Variants in ABCA5 observed in about 807,000 individuals in gnomAD.
The protein encoded by ABCA5 is ATP binding cassette subfamily A member 5.
A neutral mutation model predicts 206.0 loss-of-function variants in ABCA5; 163 were observed. That is an observed-to-expected ratio of 0.79 (90% CI 0.70 to 0.90). The LOEUF is 0.90. Ranked by LOEUF, ABCA5 falls within the 40% of genes least tolerant of loss-of-function variation. The pLI, the probability that ABCA5 is intolerant of heterozygous loss-of-function variation, is 0.00. For missense variants in ABCA5, 1,859 were observed against 1,912.9 expected (o/e 0.97, Z 0.53); for synonymous variants, 609 against 613.8 (o/e 0.99, Z 0.11).
intron 13 of ABCA5, 66 bp downstream of exon 13, chr17:69,289,796 C>T (rs1423116097): frequency 9.5e-6 from 12 of 1,258,146 alleles, no homozygotes; most frequent in African/African-American, 7.6e-5. Context: ...TTTTATTGCA[C>T]AAGTCATTAC....
At position 69,267,118 on chromosome 17, in the gene ABCA5, G is replaced by A. The variant is rs147562682; in HGVS notation, c.3144+825C>T. 6.7e-3 allele frequency among the ~76,000 whole-genome samples: 1,015 copies of A among 151,868 alleles called. 14 individuals carry two copies. The highest frequency in any genetic ancestry group is 0.023 in the African/African-American group (944 of 41,432). ...TCGAACTCCCAACCTCAGGTGATCC[G>A]CCCACCTCGGCCTCCCAAAGTGCTG... is the stretch of plus-strand genomic sequence containing the variant. On this transcript the variant is annotated intron_variant, in intron 23 of 38. Transcript: ENST00000392676.
intron 2 of ABCA5, 46 bp from the exon 3 acceptor site, chr17:69,313,342 CA>C (rs1270561721): frequency 1.2e-6 from 1 of 862,412 alleles, no homozygotes; most frequent in Non-Finnish European, 1.7e-6. Context: ...ACAATGGCAG[CA>C]AAAATCATCA....
chr17:69,308,962 A>G (rs1477691216), intron 4 of ABCA5, among the ~76,000 whole-genome samples: 1 of 152,114 alleles, frequency 6.6e-6, no homozygotes, highest in Non-Finnish European at 1.5e-5. Flanking sequence ...AAACAATTAC[A>G]TGAAAAAAAG....
chr17:69,273,614 CCTGG>C (rs1409783486), intron 20 of ABCA5, among the ~76,000 whole-genome samples: 1 of 151,878 alleles, frequency 6.6e-6, no homozygotes, highest in African/African-American at 2.4e-5. Context: ...TGCCACCATG[CCTGG>C]CTAATTTTTA....
chr17:69,290,194 G>A (rs909227127), intron 12 of ABCA5, among the ~76,000 whole-genome samples, 157 bp from the exon 13 acceptor site: 3 of 152,050 alleles, frequency 2.0e-5, no homozygotes, highest in South Asian at 4.1e-4. Context: ...TATTATTGGT[G>A]ATCCGCATCC....
Position 69,247,565 on chromosome 17 carries a change from C to T in ABCA5, c.4901G>A (p.Arg1634Gln), listed in dbSNP as rs374390008. The change falls in exon 39 of 39, where the codon CGA becomes CAA. Residue 1634 changes from arginine to glutamine, a missense_variant. Transcript: ENST00000392676. ...AAATACTACTCTATCTTCTTGTGTT[C>T]GTTCCCACCAAAGTGTGCTGTTTAA... ...GTLNSTLWWE[R>Q]TQEDRVVF 1.9e-5 allele frequency: 31 copies of T among 1,608,516 alleles called. No individual in the cohort carries two copies. Among genetic ancestry groups the T allele is most frequent in the African/African-American group, 1.7e-4 (13 of 74,752 alleles).
chr17:69,298,249 A>T (rs1472263843), intron 9 of ABCA5, among the ~76,000 whole-genome samples: 2 of 122,272 alleles, frequency 1.6e-5, no homozygotes, highest in South Asian at 3.3e-4. Flanking sequence ...GGAAGGAAGG[A>T]AGGAAGGAAG....
At chr17:69,323,753 T>A (rs1390996268) in intron 1 of ABCA5, among the ~76,000 whole-genome samples, 1 of 152,194 alleles carries the variant, frequency 6.6e-6, no homozygotes, top group African/African-American at 2.4e-5. Context: ...GATTCCTTTA[T>A]CAAGGCTTCC....
In ABCA5 at chr17:69,277,743, G is replaced by C. The variant is rs909657653; in HGVS notation, c.2492C>G (p.Ala831Gly). ...AAGGCTCATGGTGCTCACTAGAGCA[G>C]CCTTGGTTTCAGAAAGAATAAGTAA... ...QSLLILSETK[A>G]ALVSTMSLWK... is the part of the protein sequence containing the mutation. Residue 831 changes from alanine (A) to glycine (G), a missense_variant, in exon 19 of 39, where the codon GCT (alanine) becomes GGT (glycine). Transcript: ENST00000392676. 2 of 1,606,558 alleles carry C rather than the reference G, an allele frequency of 1.2e-6. No individual in the cohort carries two copies. The highest frequency in any genetic ancestry group is 1.7e-6 in the Non-Finnish European group (2 of 1,177,904).
chr17:69,310,566 TAAAA>T (rs529654552), intron 3 of ABCA5, among the ~76,000 whole-genome samples: 57 of 152,328 alleles, frequency 3.7e-4, no homozygotes, highest in African/African-American at 1.4e-3. Context: ...CCTCCTTAAA[TAAAA>T]ATTGTCATTC....
chr17:69,251,680 A>C, intron 35 of ABCA5, 67 bp downstream of exon 35: 1 of 1,546,068 alleles, frequency 6.5e-7, no homozygotes, highest in Non-Finnish European at 8.7e-7. Flanking sequence ...CATGTTTTTG[A>C]AATGATGACT....
At chr17:69,289,596 T>C (rs1425628913) in intron 13 of ABCA5, among the ~76,000 whole-genome samples, 1 of 151,992 alleles carries the variant, frequency 6.6e-6, no homozygotes, top group Non-Finnish European at 1.5e-5. Flanking sequence ...TCTTAATGTA[T>C]GTGTGGAAGT....
chr17:69,305,877 T>A (rs1365335496), intron 6 of ABCA5, among the ~76,000 whole-genome samples: 1 of 151,858 alleles, frequency 6.6e-6, no homozygotes, highest in Non-Finnish European at 1.5e-5. Flanking sequence ...TCTCAAAAAA[T>A]AATCCAAAAC....
At chr17:69,320,242 T>TA (rs1261599347) in intron 1 of ABCA5, among the ~76,000 whole-genome samples, 1 of 151,706 alleles carries the variant, frequency 6.6e-6, no homozygotes, top group East Asian at 1.9e-4. Flanking sequence ...AGAAATGAAA[T>TA]AAAAAACTGA....
rs535491498 is a variant in ABCA5, at chr17:69,261,105, A to G, written c.3564+20T>C. 6 of 1,506,622 alleles carry G rather than the reference A, an allele frequency of 4.0e-6. No homozygotes were observed. In the South Asian group the frequency reaches 7.7e-5, roughly 19 times the overall value. 93.3% of individuals were successfully genotyped at this position (1,506,622 alleles called of 1,614,324 possible). ...TTTATTTTATGTTTTTTAACATATTAAAATATTTAGCAGAATTACCTTTAT... is the reference window on the plus strand; with the variant it reads ...TTTATTTTATGTTTTTTAACATATTGAAATATTTAGCAGAATTACCTTTAT... On this transcript the variant is annotated intron_variant, in intron 26 of 38. Transcript: ENST00000392676.
At chr17:69,273,755 C>T (rs1213904962) in intron 20 of ABCA5, among the ~76,000 whole-genome samples, 5 of 152,022 alleles carry the variant, frequency 3.3e-5, no homozygotes, top group African/African-American at 1.2e-4. Flanking sequence ...CGCACCTGGC[C>T]AAAACTGTCA....
intron 30 of ABCA5, 22 bp downstream of exon 30, chr17:69,255,711 T>C: frequency 4.4e-6 from 7 of 1,579,760 alleles, no homozygotes; most frequent in Non-Finnish European, 6.0e-6. Context: ...AAAAGTTATG[T>C]AAGGAAAAAT....
intron 5 of ABCA5, among the ~76,000 whole-genome samples, chr17:69,307,585 A>G (rs1169196003): frequency 6.6e-6 from 1 of 152,092 alleles, no homozygotes; most frequent in Non-Finnish European, 1.5e-5. Flanking sequence ...GTATTTCACT[A>G]TCTTTACCTT....
chr17:69,255,251 T>C (rs528211836), intron 31 of ABCA5, among the ~76,000 whole-genome samples: 3 of 152,256 alleles, frequency 2.0e-5, no homozygotes, highest in Admixed American at 2.0e-4. Context: ...CCATATCTCC[T>C]GAAGCTAATA....
Sources: allele counts gnomAD v4.1 joint callset (sites outside exome capture counted in the v4.1 genomes callset), GRCh38; gene constraint gnomAD v4.1.1; transcripts MANE v1.5; gene names NCBI Gene and HGNC (gene_info 2026-07-23, HGNC 2026-07-21).